The following LYN variants were observed in gnomAD, a reference collection of about 807,000 sequenced individuals.
LYN encodes the protein tyrosine-protein kinase Lyn.
In LYN, 12 loss-of-function variants were observed where a neutral mutation model predicts 65.0. The observed-to-expected ratio is 0.18, with a 90% CI of 0.12 to 0.30. The LOEUF (loss-of-function observed/expected upper bound fraction) is 0.30. LYN is among the 10% of genes least tolerant of loss of function. The pLI is 1.00. For missense variants in LYN, 380 were observed against 623.2 expected (o/e 0.61, Z 4.16); for synonymous variants, 222 against 221.2 (o/e 1.00, Z -0.03).
At chr8:55,884,446 CT>C (rs918379001) in intron 1 of LYN, among the ~76,000 whole-genome samples, 1 of 150,336 alleles carries the variant, frequency 6.7e-6, no homozygotes, top group African/African-American at 2.4e-5. Context: ...GAAGGGCTCT[CT>C]TTATTTTTTA....
intron 1 of LYN, among the ~76,000 whole-genome samples, chr8:55,887,920 T>G (rs1355985158): frequency 6.6e-6 from 1 of 152,032 alleles, no homozygotes; most frequent in Non-Finnish European, 1.5e-5. Flanking sequence ...CCTTATATGA[T>G]TTTAAAACGG....
At chr8:56,009,082 T>C (rs916043103) in intron 12 of LYN, among the ~76,000 whole-genome samples, 10 of 152,236 alleles carry the variant, frequency 6.6e-5, no homozygotes, top group African/African-American at 2.4e-4. Context: ...ATACCAATTA[T>C]TAAATGAAAA....
intron 12 of LYN, among the ~76,000 whole-genome samples, chr8:56,004,840 A>T (rs918457257): frequency 6.6e-6 from 1 of 152,108 alleles, no homozygotes; most frequent in African/African-American, 2.4e-5. Flanking sequence ...GCTGGAGTGC[A>T]GTAGCATGAT....
intron 1 of LYN, among the ~76,000 whole-genome samples, chr8:55,909,393 T>C (rs1043304260): frequency 1.3e-5 from 2 of 152,142 alleles, no homozygotes; most frequent in African/African-American, 4.8e-5. Context: ...GGCGCTGCCA[T>C]AGGTTCCACC....
intron 10 of LYN, among the ~76,000 whole-genome samples, chr8:55,978,332 A>G (rs1427166772): frequency 6.6e-6 from 1 of 152,234 alleles, no homozygotes; most frequent in Non-Finnish European, 1.5e-5. Flanking sequence ...GAGCGAGGTC[A>G]GTGTTGCCTA....
intron 1 of LYN, among the ~76,000 whole-genome samples, chr8:55,886,013 C>T (rs1038720641): frequency 1.3e-5 from 2 of 152,104 alleles, no homozygotes; most frequent in Non-Finnish European, 2.9e-5. Flanking sequence ...GCCTGCTTTG[C>T]GAAGCCCACC....
chr8:55,987,017 A>C (rs1033901724), intron 10 of LYN, among the ~76,000 whole-genome samples: 2 of 152,120 alleles, frequency 1.3e-5, no homozygotes. Flanking sequence ...CATTCGGCCT[A>C]AGTTGACCAT....
chr8:55,993,616 A>G (rs889009608), intron 10 of LYN, among the ~76,000 whole-genome samples: 2 of 152,236 alleles, frequency 1.3e-5, no homozygotes, highest in South Asian at 2.1e-4. Context: ...CATCTGTACA[A>G]TGGAAGTAAA....
At chr8:55,903,193 A>G (rs1269826932) in intron 1 of LYN, among the ~76,000 whole-genome samples, 1 of 151,842 alleles carries the variant, frequency 6.6e-6, no homozygotes, top group Non-Finnish European at 1.5e-5. Flanking sequence ...GGATTTCACC[A>G]TGTTGGCCAG....
rs552155550 is a variant in LYN, at chr8:55,889,164, G to A, written c.-6+9061G>A. ...CTGGGTAGCTAGGATTACAGGCCCC[G>A]CCACCAGGCCTGCGTAATTTTTTTG... On this transcript the variant is annotated intron_variant, in intron 1 of 12. Transcript: ENST00000519728. Among the ~76,000 whole-genome samples the A allele has an allele frequency of 8.5e-5, 13 of 152,202 alleles. No individual in the cohort carries two copies. The East Asian group carries it at 2.5e-3, about 29-fold the overall frequency.
chr8:55,896,885 G>T (rs2130373639), intron 1 of LYN, among the ~76,000 whole-genome samples: 1 of 152,216 alleles, frequency 6.6e-6, no homozygotes, highest in South Asian at 2.1e-4. Flanking sequence ...GACTACAGGT[G>T]CCCGCCATCA....
chr8:55,971,040 G>A (rs1439403607), intron 10 of LYN, among the ~76,000 whole-genome samples: 1 of 152,244 alleles, frequency 6.6e-6, no homozygotes, highest in African/African-American at 2.4e-5. Flanking sequence ...CAGTAAAGGT[G>A]TGTGATGGGT....
chr8:56,001,528 G>A (rs1211090484), intron 12 of LYN, among the ~76,000 whole-genome samples: 1 of 152,142 alleles, frequency 6.6e-6, no homozygotes, highest in Admixed American at 6.5e-5. Flanking sequence ...TTTGGGTGGT[G>A]TCTGCCTGCA....
chr8:55,995,260 A>G (rs950320114), intron 10 of LYN, among the ~76,000 whole-genome samples: 2 of 152,170 alleles, frequency 1.3e-5, no homozygotes, highest in African/African-American at 2.4e-5. Context: ...GGTTATCACC[A>G]CTGCCCACCT....
chr8:55,987,338 G>A (rs781485898), intron 10 of LYN, among the ~76,000 whole-genome samples: 2 of 151,634 alleles, frequency 1.3e-5, no homozygotes, highest in Non-Finnish European at 2.9e-5. Flanking sequence ...AGCCCCGGAG[G>A]TGGAGGTTAC....
chr8:55,975,868 G>A (rs568054418), intron 10 of LYN, among the ~76,000 whole-genome samples: 1 of 151,754 alleles, frequency 6.6e-6, no homozygotes, highest in South Asian at 2.1e-4. Flanking sequence ...AATCATGACT[G>A]GCTGTTAAAA....
rs566074190 is a variant in LYN at position 55,970,841 on chromosome 8, GC to G, written c.1050+1051del. 1.2e-3 allele frequency among the ~76,000 whole-genome samples: 184 copies of G among 152,336 alleles called. 1 individual carries two copies. The highest frequency in any genetic ancestry group is 4.3e-3 in the African/African-American group (179 of 41,564). ...TAGCTATACCGCTTCCATTTCAGAA[GC>G]CCTTTGCCTATTTGGGCTACTTTAT... On this transcript the variant is annotated intron_variant, in intron 10 of 12. Transcript: ENST00000519728.
intron 1 of LYN, among the ~76,000 whole-genome samples, chr8:55,892,938 G>A (rs1025916236): frequency 1.3e-5 from 2 of 152,114 alleles, no homozygotes; most frequent in Admixed American, 1.3e-4. Flanking sequence ...CCCCCAAGCA[G>A]TACTCCCCTG....
At chr8:55,902,660 T>C in intron 1 of LYN, 1 of 385,322 alleles carries the variant, frequency 2.6e-6, no homozygotes, top group Non-Finnish European at 5.1e-6. Context: ...AATTCCTTAT[T>C]ACTTAAATGT....
Sources: allele counts gnomAD v4.1 joint callset (sites outside exome capture counted in the v4.1 genomes callset), GRCh38; gene constraint gnomAD v4.1.1; transcripts MANE v1.5; gene names NCBI Gene and HGNC (gene_info 2026-07-23, HGNC 2026-07-21).